The following SBK1 variants were observed in gnomAD, a reference collection of about 807,000 sequenced individuals.
SBK1 encodes the protein SH3 domain binding kinase 1.
Under a neutral mutation model 24.4 loss-of-function variants are expected in SBK1, and 11 were observed. The observed-to-expected ratio is 0.45, with a 90% confidence interval of 0.28 to 0.75. SBK1 has a LOEUF of 0.75. SBK1 is among the 30% of genes least tolerant of loss of function. SBK1 has a pLI of 0.12. For synonymous variants in SBK1, 308 were observed against 284.4 expected, an observed-to-expected ratio of 1.08 and a Z score of -0.83; for missense variants, 467 against 620.5, an observed-to-expected ratio of 0.75 and a Z score of 2.63.
intron 1 of SBK1, among the ~76,000 whole-genome samples, chr16:28,262,123 G>A (rs2044401496): frequency 1.3e-5 from 2 of 152,182 alleles, no homozygotes; most frequent in African/African-American, 4.8e-5. Context: ...GGGGAGGGTG[G>A]GACAGAAGGC....
intron 1 of SBK1, among the ~76,000 whole-genome samples, chr16:28,308,783 GTTTT>G (rs2044734846): frequency 7.0e-6 from 1 of 142,890 alleles, no homozygotes. Flanking sequence ...GTGTGTGTTT[GTTTT>G]GTTTTTAATT....
chr16:28,265,748 C>A (rs914464779), intron 1 of SBK1, among the ~76,000 whole-genome samples: 1 of 151,526 alleles, frequency 6.6e-6, no homozygotes, highest in Non-Finnish European at 1.5e-5. Flanking sequence ...GTGAAGCAGG[C>A]GGATCACTTG....
At chr16:28,306,066 C>G (rs916224734) in intron 1 of SBK1, among the ~76,000 whole-genome samples, 1 of 152,070 alleles carries the variant, frequency 6.6e-6, no homozygotes, top group Non-Finnish European at 1.5e-5. Context: ...ATAAGCAGAT[C>G]GATCCCATCT....
intron 1 of SBK1, among the ~76,000 whole-genome samples, chr16:28,266,297 T>C (rs748590821): frequency 1.3e-5 from 2 of 151,176 alleles, no homozygotes; most frequent in African/African-American, 4.9e-5. Flanking sequence ...AGCCCAGGAG[T>C]TCAAGGCTGC....
rs542276034 is a variant in SBK1 at position 28,271,818 on chromosome 16, G to A, written c.257+12316G>A. ...AAATGTTATCAAATCCAGGAAAACC[G>A]AAACTTTTGAACAGAAAAGGGAAAG... On this transcript the variant is annotated intron_variant, in intron 1 of 3. Coordinates refer to the SBK1 transcript ENST00000671413. Among the ~76,000 whole-genome samples the A allele has an allele frequency of 1.1e-3, 173 of 152,272 alleles. 3 individuals are homozygous for A. The South Asian group carries it at 0.035, about 31-fold the overall frequency.
upstream of SBK1, among the ~76,000 whole-genome samples, chr16:28,287,762 C>G (rs1344291660): frequency 6.6e-6 from 1 of 152,194 alleles, no homozygotes; most frequent in African/African-American, 2.4e-5. Flanking sequence ...CTCTCCAGTT[C>G]AAGTGATTCT....
At chr16:28,265,155 A>G (rs2044420490) in intron 1 of SBK1, among the ~76,000 whole-genome samples, 1 of 151,936 alleles carries the variant, frequency 6.6e-6, no homozygotes, top group Non-Finnish European at 1.5e-5. Context: ...GATGGCTCAC[A>G]GCTGTAATCC....
Position 28,320,742 on chromosome 16 carries a change from G to C in SBK1, c.1096G>C (p.Ala366Pro). The change falls in exon 4 of 4, where the codon GCG becomes CCG. Residue 366 changes from alanine (A) to proline (P), a missense_variant. Coordinates refer to ENST00000341901, the MANE Select transcript of SBK1 (RefSeq NM_001024401.3). The surrounding 1 kb of genome is among the most constrained non-coding windows in gnomAD (Gnocchi z 8.5). ...LTESGSGSRP[A>P]PPAVGSVPLP... ...CGAGAGCGGCAGCGGCTCCCGGCCC[G>C]CGCCCCCCGCCGTCGGGTCGGTGCC... The C allele has an allele frequency of 2.5e-6, 3 of 1,209,914 alleles. No homozygotes were observed. Among genetic ancestry groups the C allele is most frequent in the Non-Finnish European group, 2.1e-6 (2 of 966,488 alleles). 74.9% of individuals were successfully genotyped at this position (1,209,914 alleles called of 1,614,324 possible).
At chr16:28,315,390 A>G (rs533349522) in intron 1 of SBK1, among the ~76,000 whole-genome samples, 1 of 152,330 alleles carries the variant, frequency 6.6e-6, no homozygotes, top group South Asian at 2.1e-4. Flanking sequence ...CAATAAAACT[A>G]GAAAAATGAC....
upstream of SBK1, among the ~76,000 whole-genome samples, chr16:28,287,833 T>A (rs1597017211): frequency 6.6e-6 from 1 of 152,038 alleles, no homozygotes; most frequent in Non-Finnish European, 1.5e-5. Flanking sequence ...CCAGCTAATT[T>A]TTGTATTTTT....
rs1416783223 is a variant in SBK1 at position 28,322,863 on chromosome 16, G to A, written c.*1942G>A. On this transcript the variant is annotated 3_prime_UTR_variant, in exon 4 of 4. Transcript: ENST00000341901. ...TCCTGATCTCTCCTGCAATAACTAG[G>A]AATCGAGATTCCACAGTAGACGTCC... is the stretch of plus-strand genomic sequence containing the variant. The A allele has an allele frequency of 6.8e-6, 1 of 146,912 alleles. No homozygotes were observed. The highest frequency in any genetic ancestry group is 2.0e-4 in the East Asian group (1 of 5,080). The allele number at this position is 146,912 out of a possible 1,614,324, so 9.1% of individuals were successfully genotyped here.
intron 1 of SBK1, chr16:28,286,203 G>C (rs2044564263): frequency 6.6e-6 from 1 of 152,386 alleles, no homozygotes; most frequent in Admixed American, 6.5e-5. Flanking sequence ...CAATAACTTG[G>C]CCTGTGTCTT....
At chr16:28,297,371 C>T (rs761257608) in intron 1 of SBK1, among the ~76,000 whole-genome samples, 2 of 152,130 alleles carry the variant, frequency 1.3e-5, no homozygotes, top group African/African-American at 2.4e-5. Flanking sequence ...TGAACAGAAA[C>T]GAAACTGATG....
intron 1 of SBK1, among the ~76,000 whole-genome samples, chr16:28,270,494 T>A (rs940011083): frequency 6.6e-6 from 1 of 152,092 alleles, no homozygotes; most frequent in South Asian, 2.1e-4. Context: ...GGCACAATCA[T>A]GTCTCACTGC....
chr16:28,280,149 A>ATATGTG lies in SBK1; in HGVS notation c.257+20648_257+20649insATGTGT, dbSNP rs1230385223. On this transcript the variant is annotated intron_variant, in intron 1 of 3. Coordinates refer to the SBK1 transcript ENST00000671413. ...TATATATATATATATATATATATAT[A>ATATGTG]TGTGTGTGTGTGTGTGTGTGTGTAT... Among the ~76,000 whole-genome samples the ATATGTG allele has an allele frequency of 8.7e-3, 341 of 39,324 alleles. 4 individuals are homozygous for ATATGTG. The highest frequency in any genetic ancestry group is 0.019 in the Middle Eastern group (1 of 54). 25.8% of individuals were successfully genotyped at this position (39,324 alleles called of 152,430 possible). A position where few individuals can be genotyped will look rare whatever the true frequency, so the allele number is the denominator to read the frequency against.
chr16:28,279,866 G>C (rs1481409661), intron 1 of SBK1, among the ~76,000 whole-genome samples: 13 of 151,894 alleles, frequency 8.6e-5, no homozygotes, highest in Non-Finnish European at 1.9e-4. Flanking sequence ...GGGTGAGGAC[G>C]TCTTTGTAAA....
At chr16:28,277,041 C>A (rs1237527780) in intron 1 of SBK1, among the ~76,000 whole-genome samples, 1 of 151,860 alleles carries the variant, frequency 6.6e-6, no homozygotes, top group Non-Finnish European at 1.5e-5. Flanking sequence ...GGGGGGAGTG[C>A]CTGAAATAGA....
At chr16:28,307,391 G>A (rs1025631883) in intron 1 of SBK1, among the ~76,000 whole-genome samples, 1 of 152,204 alleles carries the variant, frequency 6.6e-6, no homozygotes, top group African/African-American at 2.4e-5. Flanking sequence ...CATCACTCCA[G>A]TGTCCAAAAG....
In SBK1 at chr16:28,292,632, G is replaced by A. The variant is rs2044608644; in HGVS notation, c.-676G>A. ...GGAGCCCGGGCCAGGCCGGGGGCCG[G>A]GAGCGCAGGGCCGGGCTGCTCGTAG... is the stretch of plus-strand genomic sequence containing the variant. On this transcript the variant is annotated 5_prime_UTR_variant, in exon 1 of 4. Transcript: ENST00000341901. 1.2e-5 allele frequency: 12 copies of A among 983,314 alleles called. No individual in the cohort carries two copies. Among genetic ancestry groups the A allele is most frequent in the Non-Finnish European group, 1.4e-5 (12 of 829,056 alleles). The allele number at this position is 983,314 out of a possible 1,614,324, so 60.9% of individuals were successfully genotyped here.
Sources: allele counts gnomAD v4.1 joint callset (sites outside exome capture counted in the v4.1 genomes callset), GRCh38; gene constraint gnomAD v4.1.1; non-coding constraint Gnocchi (gnomAD v3.1); transcripts MANE v1.5; gene names NCBI Gene and HGNC (gene_info 2026-07-23, HGNC 2026-07-21).